MUC5B: variants seen among roughly 807,000 people sequenced by gnomAD.
The protein encoded by MUC5B is mucin-5B.
MUC5B carries 116 observed loss-of-function variants against 376.9 expected under a neutral mutation model. That is an observed-to-expected ratio of 0.31 (90% CI 0.26 to 0.36). The LOEUF is 0.36. Ranked by LOEUF, MUC5B falls within the 10% of genes least tolerant of loss-of-function variation. MUC5B has a pLI of 1.00. For missense variants in MUC5B, 7,165 were observed against 7,769.9 expected, an observed-to-expected ratio of 0.92 and a Z score of 2.93; for synonymous variants, 3,517 against 3,390.9, an observed-to-expected ratio of 1.04 and a Z score of -1.29.
In MUC5B at chr11:1,241,486, G is replaced by A. The variant is rs144133656; in HGVS notation, c.4606G>A (p.Ala1536Thr). Residue 1536 changes from alanine (A) to threonine (T), a missense_variant, in exon 31 of 49, where the codon GCT becomes ACT. Transcript: ENST00000529681. ...TGAGTCCTACGATAAGATCAGGGCCGCTGGAGGGCACTTATGCCAGCAGCC... is the reference window on the plus strand; with the variant it reads ...TGAGTCCTACGATAAGATCAGGGCCACTGGAGGGCACTTATGCCAGCAGCC... ...DVESYDKIRA[A>T]GGHLCQQPKD... 3.7e-5 allele frequency: 60 copies of A among 1,613,698 alleles called. No homozygotes were observed. The African/African-American group carries it at 4.7e-4, about 13-fold the overall frequency.
At position 1,254,674 on chromosome 11, in the gene MUC5B, G is replaced by T. The variant is rs372587535; in HGVS notation, c.15478-20G>T. On this transcript the variant is annotated intron_variant, in intron 34 of 48. Transcript: ENST00000529681. ...ACCTGGCACTGCCTCCCAGCTCAGG[G>T]TTCCCCTGGATTCCCCCAGATCCTG... The T allele has an allele frequency of 6.2e-7, 1 of 1,605,946 alleles. No individual in the cohort carries two copies. Among genetic ancestry groups the T allele is most frequent in the South Asian group, 1.1e-5 (1 of 90,554 alleles).
In MUC5B at chr11:1,226,825, A is replaced by G. The variant is rs902358339; in HGVS notation, c.410A>G (p.Gln137Arg). Reference sequence around the variant, plus strand: ...GTCACCCGTGTTGTCATCAAGGCCCAGGGGCTGGTGCTGGAGGCGTCCAAC... The same window carrying G: ...GTCACCCGTGTTGTCATCAAGGCCCGGGGGCTGGTGCTGGAGGCGTCCAAC... ...PVVTRVVIKA[Q>R]GLVLEASNGS... The change falls in exon 4 of 49, where the codon CAG (glutamine) becomes CGG (arginine). Residue 137 changes from glutamine to arginine, a missense_variant. Physicochemically the swap from Gln to Arg is conservative, Grantham distance 43. Transcript: ENST00000529681. 2 of 1,610,712 alleles carry G rather than the reference A, an allele frequency of 1.2e-6. No individual in the cohort carries two copies. Among genetic ancestry groups the G allele is most frequent in the South Asian group, 1.1e-5 (1 of 91,052 alleles).
In MUC5B at chr11:1,250,914, A is replaced by G. The variant is rs780366516; in HGVS notation, c.14034A>G (p.Pro4678=). ...SSSTQTSGTP[P]SLTTTATTIT... is the part of the protein sequence containing the mutation. ...GCACACAGACCAGTGGTACTCCCCC[A>G]TCACTGACCACCACGGCCACTACGA... Residue 4678 remains proline, a synonymous_variant, in exon 31 of 49, where the codon CCA becomes CCG. Coordinates refer to ENST00000529681, the MANE Select transcript of MUC5B (RefSeq NM_002458.3). 6.3e-7 allele frequency: 1 copy of G among 1,592,396 alleles called. No individual in the cohort carries two copies. The highest frequency in any genetic ancestry group is 8.6e-7 in the Non-Finnish European group (1 of 1,169,550).
chr11:1,242,521 G>C lies in MUC5B; in HGVS notation c.5641G>C (p.Asp1881His). ...NYNVRVLCCD[D>H]YSHCPSTPAT... The stretch of plus-strand genomic sequence containing the variant: ...CAACGTGCGTGTGCTTTGCTGTGAC[G>C]ACTACAGCCACTGCCCCAGTACCCC... The change falls in exon 31 of 49, where the codon GAC (aspartate) becomes CAC (histidine). Residue 1881 changes from aspartate to histidine, a missense_variant. Physicochemically the swap from Asp to His is moderately conservative, Grantham distance 81 (BLOSUM62 -1). Coordinates refer to ENST00000529681, the MANE Select transcript of MUC5B (RefSeq NM_002458.3). 6.2e-7 allele frequency: 1 copy of C among 1,613,702 alleles called. No homozygotes were observed. Among genetic ancestry groups the C allele is most frequent in the South Asian group, 1.1e-5 (1 of 91,072 alleles).
At position 1,246,534 on chromosome 11, in the gene MUC5B, T is replaced by A. The variant is rs1183030332; in HGVS notation, c.9654T>A (p.Thr3218=). 3.7e-6 allele frequency: 6 copies of A among 1,610,826 alleles called. No individual in the cohort carries two copies. The highest frequency in any genetic ancestry group is 4.2e-6 in the Non-Finnish European group (5 of 1,178,926). The change falls in exon 31 of 49, where the codon ACT becomes ACA. Residue 3218 remains threonine, a synonymous_variant. Transcript: ENST00000529681. ...SRATPSSSPG[T]ATALPALRST... ...CCACTCCCTCCTCCAGTCCAGGGAC[T>A]GCAACCGCCCTTCCAGCACTGAGAA...
Position 1,257,748 on chromosome 11 carries a change from GA to G in MUC5B, c.16450+39del. On this transcript the variant is annotated intron_variant, in intron 41 of 48. Coordinates refer to ENST00000529681, the MANE Select transcript of MUC5B (RefSeq NM_002458.3). The surrounding 1 kb of genome is among the most constrained non-coding windows in gnomAD (Gnocchi z 8.9). ...AGAGCAGAGGTGCCCGGCATAGGGT[GA>G]GGGGGGACAGAGCCGGTGCCCACCA... 6.6e-7 allele frequency: 1 copy of G among 1,513,412 alleles called. No homozygotes were observed. Among genetic ancestry groups the G allele is most frequent in the African/African-American group, 1.4e-5 (1 of 72,806 alleles). 93.7% of individuals were successfully genotyped at this position (1,513,412 alleles called of 1,614,324 possible). A position where few individuals can be genotyped will look rare whatever the true frequency, so the allele number is the denominator to read the frequency against.
intron 17 of MUC5B, 87 bp downstream of exon 17, chr11:1,232,857 T>C: frequency 6.7e-7 from 1 of 1,486,398 alleles, no homozygotes; most frequent in Non-Finnish European, 8.9e-7. Context: ...ACTCACACGG[T>C]TCTCAGCCCA....
At chr11:1,231,055 G>C (rs749393927) in intron 13 of MUC5B, 50 bp downstream of exon 13, 4 of 1,511,226 alleles carry the variant, frequency 2.6e-6, no homozygotes, top group Non-Finnish European at 3.6e-6. Flanking sequence ...TGCTTGCAGG[G>C]GCAGCTCCCA....
rs1862176223 is a variant in MUC5B at position 1,237,072 on chromosome 11, G to T, written c.3205G>T (p.Asp1069Tyr). The T allele has an allele frequency of 1.9e-6, 3 of 1,579,222 alleles. No individual in the cohort carries two copies. The highest frequency in any genetic ancestry group is 2.6e-6 in the Non-Finnish European group (3 of 1,161,222). Residue 1069 changes from aspartate to tyrosine, a missense_variant, in exon 25 of 49, where the codon GAC (aspartate) becomes TAC (tyrosine). Physicochemically the swap from Asp to Tyr is radical, Grantham distance 160. Transcript: ENST00000529681. ...PSCPDALAPK[D>Y]PCTANPFRKS... Reference sequence around the variant, plus strand: ...CTGCCCGGACGCCCTGGCACCCAAGGACCCCTGCACGGCCAACCCCTTCCG... The same window carrying T: ...CTGCCCGGACGCCCTGGCACCCAAGTACCCCTGCACGGCCAACCCCTTCCG...
At position 1,258,057 on chromosome 11, in the gene MUC5B, G is replaced by A. The variant is rs770779898; in HGVS notation, c.16451-42G>A. ...CTCTGGGAACAAGTGGTCGGGAGGA[G>A]GAGTGAGCAGCGCCCAGACAGTGGC... On this transcript the variant is annotated intron_variant, in intron 41 of 48. Transcript: ENST00000529681. The surrounding 1 kb of genome is among the most constrained non-coding windows in gnomAD (Gnocchi z 5.5). The A allele has an allele frequency of 1.3e-6, 2 of 1,516,834 alleles. No homozygotes were observed. Among genetic ancestry groups the A allele is most frequent in the Non-Finnish European group, 1.8e-6 (2 of 1,117,806 alleles). The allele number at this position is 1,516,834 out of a possible 1,614,324, so 94.0% of individuals were successfully genotyped here.
chr11:1,223,135 G>A lies in MUC5B; in HGVS notation c.12G>A (p.Pro4=), dbSNP rs766550498. Residue 4 remains proline (P), a synonymous_variant, in exon 1 of 49, where the codon CCG becomes CCA. Transcript: ENST00000529681. The part of the protein sequence containing the change: MGA[P]SACRTLVLAL... ...TGCCAGCCCCCAGGATGGGTGCCCC[G>A]AGCGCGTGCCGGACGCTGGTGTTGG... 12 of 661,822 alleles carry A rather than the reference G, an allele frequency of 1.8e-5. No homozygotes were observed. The highest frequency in any genetic ancestry group is 5.4e-5 in the African/African-American group (3 of 55,688). 41.0% of individuals were successfully genotyped at this position (661,822 alleles called of 1,614,324 possible).
At chr11:1,240,777 C>T in intron 30 of MUC5B, 74 bp from the exon 31 acceptor site, 2 of 1,403,604 alleles carry the variant, frequency 1.4e-6, no homozygotes, top group South Asian at 2.9e-5. Context: ...AAAGGGTCCT[C>T]TGGGGCCCCT....
At position 1,247,928 on chromosome 11, in the gene MUC5B, C is replaced by G. The variant is rs763148762; in HGVS notation, c.11048C>G (p.Pro3683Arg). The change falls in exon 31 of 49, where the codon CCC becomes CGC. Residue 3683 changes from proline (P) to arginine (R), a missense_variant. Transcript: ENST00000529681. ...STPATSSTAT[P>R]SSTPGTTWIL... is the part of the protein sequence containing the mutation. The stretch of plus-strand genomic sequence containing the variant: ...CCGGCCACCAGCTCTACGGCCACGC[C>G]CTCCTCAACTCCGGGGACGACCTGG... The G allele has an allele frequency of 8.7e-6, 14 of 1,611,376 alleles. No individual in the cohort carries two copies. Among genetic ancestry groups the G allele is most frequent in the Non-Finnish European group, 1.1e-5 (13 of 1,178,390 alleles).
rs60867894 is a variant in MUC5B at position 1,246,142 on chromosome 11, A to G, written c.9262A>G (p.Met3088Val). 0.015 allele frequency: 23,695 copies of G among 1,565,956 alleles called. 1,002 individuals are homozygous for G. The highest frequency in any genetic ancestry group is 0.06 in the African/African-American group (4,337 of 72,354). Residue 3088 changes from methionine to valine, a missense_variant, in exon 31 of 49, where the codon ATG becomes GTG. Met to Val is a conservative substitution (Grantham distance 21). Coordinates refer to ENST00000529681, the MANE Select transcript of MUC5B (RefSeq NM_002458.3). Reference protein sequence around the residue: ...GTLPEQTTTPMATMSTIHPSS... With the variant: ...GTLPEQTTTPVATMSTIHPSS... ...CCTCCCAGAACAGACCACCACACCC[A>G]TGGCCACCATGTCCACAATCCACCC...
chr11:1,244,214 C>T lies in MUC5B; in HGVS notation c.7334C>T (p.Thr2445Met), dbSNP rs756364374. 9.4e-5 allele frequency: 151 copies of T among 1,612,024 alleles called. 1 individual carries two copies. Among genetic ancestry groups the T allele is most frequent in the South Asian group, 8.5e-4 (77 of 91,012 alleles). ...ILTELTTTAT[T>M]TESTGSTATP... ...ACAGAGCTGACCACAACAGCCACTACGACTGAGTCCACTGGATCCACGGCC... is the reference window on the plus strand; with the variant it reads ...ACAGAGCTGACCACAACAGCCACTATGACTGAGTCCACTGGATCCACGGCC... Residue 2445 changes from threonine (T) to methionine (M), a missense_variant, in exon 31 of 49, where the codon ACG (threonine) becomes ATG (methionine). This residue lies in a region of MUC5B where 194 missense variants were observed against 268.5 expected (regional missense o/e 0.72). Transcript: ENST00000529681.
At chr11:1,224,472 G>A (rs1266725835) in intron 1 of MUC5B, among the ~76,000 whole-genome samples, 1 of 148,556 alleles carries the variant, frequency 6.7e-6, no homozygotes, top group African/African-American at 2.5e-5. Context: ...CTGCCTGGGG[G>A]GGAGGGGTTG....
rs1466737711 is a variant in MUC5B at position 1,254,694 on chromosome 11, A to G, written c.15478A>G (p.Ile5160Val). ...TMVHGKEEGLILFDQIPVSSG... is the reference protein window; with the variant it reads ...TMVHGKEEGLVLFDQIPVSSG... ...TCAGGGTTCCCCTGGATTCCCCCAG[A>G]TCCTGTTTGACCAAATTCCGGTGAG... Residue 5160 changes from isoleucine (I) to valine (V), a missense_variant and splice_region_variant, in exon 35 of 49, where the codon ATC (isoleucine) becomes GTC (valine). Transcript: ENST00000529681. 6.2e-7 allele frequency: 1 copy of G among 1,612,262 alleles called. No homozygotes were observed. The highest frequency in any genetic ancestry group is 2.2e-5 in the East Asian group (1 of 44,878).
At position 1,240,175 on chromosome 11, in the gene MUC5B, C is replaced by T; in HGVS notation, c.3773-3C>T. The T allele has an allele frequency of 6.3e-7, 1 of 1,591,538 alleles. No homozygotes were observed. The highest frequency in any genetic ancestry group is 8.6e-7 in the Non-Finnish European group (1 of 1,164,126). Reference sequence around the variant, plus strand: ...TGGGTGACTCTGCCGGCTCCATCCCCAGCCTGCACCTGCACCTATGAGGAC... The same window carrying T: ...TGGGTGACTCTGCCGGCTCCATCCCTAGCCTGCACCTGCACCTATGAGGAC... On this transcript the variant is annotated splice_region_variant and splice_polypyrimidine_tract_variant and intron_variant, in intron 29 of 48. Transcript: ENST00000529681.
chr11:1,251,322 G>C lies in MUC5B; in HGVS notation c.14442G>C (p.Gly4814=), dbSNP rs550828767. 4 of 1,609,780 alleles carry C rather than the reference G, an allele frequency of 2.5e-6. No individual in the cohort carries two copies. The African/African-American group carries it at 5.4e-5, about 22-fold the overall frequency. ...NSTATPSSTL[G]TTRILTELTT... ...CGGCCACACCCTCCTCCACTCTGGG[G>C]ACGACCCGGATCCTCACTGAGCTGA... The change falls in exon 31 of 49, where the codon GGG becomes GGC. Residue 4814 remains glycine (G), a synonymous_variant. Coordinates refer to ENST00000529681, the MANE Select transcript of MUC5B (RefSeq NM_002458.3).
Sources: gnomAD v4.1 joint callset for allele counts (sites outside exome capture counted in the v4.1 genomes callset) on GRCh38, gnomAD v4.1.1 for gene constraint, gnomAD v4.1.1 regional missense constraint, Gnocchi (gnomAD v3.1) non-coding constraint, MANE v1.5 for transcripts, NCBI Gene and HGNC (gene_info 2026-07-23, HGNC 2026-07-21) for gene names.